The following GPR89A variants were observed in gnomAD, a reference collection of about 807,000 sequenced individuals.
GPR89A encodes the protein G protein-coupled receptor 89A.
GPR89A carries 16 observed loss-of-function variants against 52.0 expected under a neutral mutation model. The ratio of observed to expected loss-of-function variants is 0.31; its 90% confidence interval spans 0.21 to 0.47. The LOEUF (loss-of-function observed/expected upper bound fraction) is 0.47. Ranked by LOEUF, GPR89A falls within the 20% of genes least tolerant of loss-of-function variation. The pLI, the probability that GPR89A is intolerant of heterozygous loss-of-function variation, is 1.00. For synonymous variants in GPR89A, 55 were observed against 150.9 expected (o/e 0.36, Z 4.66); for missense variants, 135 against 449.4 (o/e 0.30, Z 6.33).
At chr1:145,636,181 G>A (rs1478625260) in intron 7 of GPR89A, among the ~76,000 whole-genome samples, 3 of 151,858 alleles carry the variant, frequency 2.0e-5, no homozygotes, top group Admixed American at 6.6e-5. Context: ...ACGTGACCCC[G>A]TTACCACAGT....
intron 5 of GPR89A, among the ~76,000 whole-genome samples, chr1:145,629,443 G>A (rs1462278550): frequency 6.6e-6 from 1 of 152,162 alleles, no homozygotes; most frequent in African/African-American, 2.4e-5. Flanking sequence ...AAGGACAAAG[G>A]TAGGAAAAAT....
intron 1 of GPR89A, among the ~76,000 whole-genome samples, chr1:145,609,413 C>T (rs113985754): frequency 6.6e-6 from 1 of 152,086 alleles, no homozygotes; most frequent in African/African-American, 2.4e-5. Flanking sequence ...AATTTACCAC[C>T]TTTTCTATAG....
At chr1:145,658,841 G>C (rs1424461825) in intron 10 of GPR89A, among the ~76,000 whole-genome samples, 1 of 151,774 alleles carries the variant, frequency 6.6e-6, no homozygotes, top group Non-Finnish European at 1.5e-5. Context: ...ACAGTGGGGT[G>C]ATCTCAGCTC....
intron 7 of GPR89A, among the ~76,000 whole-genome samples, chr1:145,635,129 A>C (rs1425196004): frequency 2.0e-5 from 3 of 152,242 alleles, no homozygotes; most frequent in Non-Finnish European, 4.4e-5. Context: ...CATAAAGGCC[A>C]GGAGCAGTGG....
chr1:145,619,469 G>A (rs1204749491), intron 3 of GPR89A, among the ~76,000 whole-genome samples: 51 of 151,974 alleles, frequency 3.4e-4, no homozygotes, highest in Non-Finnish European at 6.8e-4. Context: ...AAAATTAGCA[G>A]AGTGTGGTAG....
chr1:145,651,473 ACGGGCTCTTTTTTG>A (rs1422289230), intron 10 of GPR89A, among the ~76,000 whole-genome samples: 42 of 149,552 alleles, frequency 2.8e-4, no homozygotes, highest in Non-Finnish European at 5.7e-4. Flanking sequence ...CTTGACTTGT[ACGGGCTCTTTTTTG>A]CTTCCATATT....
At chr1:145,645,411 A>G (rs1650912807) in intron 8 of GPR89A, 1 of 358,736 alleles carries the variant, frequency 2.8e-6, no homozygotes, top group South Asian at 2.1e-5. Flanking sequence ...AAAGTTCATA[A>G]AAGCCAATAA....
At chr1:145,639,541 G>A (rs1553691339) in intron 7 of GPR89A, among the ~76,000 whole-genome samples, 1 of 151,378 alleles carries the variant, frequency 6.6e-6, no homozygotes, top group Non-Finnish European at 1.5e-5. Context: ...GAGGTCAGGA[G>A]TTTGAGACCA....
chr1:145,623,289 A>G, intron 4 of GPR89A, 129 bp downstream of exon 4: 1 of 576,464 alleles, frequency 1.7e-6, no homozygotes, highest in Non-Finnish European at 3.1e-6. Flanking sequence ...CTCACACACA[A>G]CATCTTAAAA....
At chr1:145,635,362 C>T (rs1314371682) in intron 7 of GPR89A, among the ~76,000 whole-genome samples, 7 of 151,616 alleles carry the variant, frequency 4.6e-5, no homozygotes, top group African/African-American at 1.7e-4. Flanking sequence ...GCCCAGATCG[C>T]GCCACTGCAC....
intron 10 of GPR89A, among the ~76,000 whole-genome samples, chr1:145,662,375 A>G (rs1382010615): frequency 1.3e-5 from 2 of 151,990 alleles, no homozygotes; most frequent in Non-Finnish European, 2.9e-5. Flanking sequence ...TTGCTATGAA[A>G]TCTACTTTGT....
At chr1:145,646,878 A>G in intron 9 of GPR89A, 1 of 364,912 alleles carries the variant, frequency 2.7e-6, no homozygotes, top group Non-Finnish European at 5.1e-6. Flanking sequence ...TGAGCAAGTT[A>G]TCGAACCTCT....
At chr1:145,645,236 G>T (rs1372738594) in intron 8 of GPR89A, 339 of 239,186 alleles carry the variant, frequency 1.4e-3, no homozygotes, top group African/African-American at 7.7e-3. Flanking sequence ...AAACCATATT[G>T]TTTGGTGGCT....
intron 3 of GPR89A, among the ~76,000 whole-genome samples, chr1:145,620,839 C>G (rs1165235874): frequency 1.3e-5 from 2 of 152,176 alleles, no homozygotes; most frequent in South Asian, 2.1e-4. Context: ...TCACTTTACT[C>G]TCAGCTCAAA....
intron 1 of GPR89A, among the ~76,000 whole-genome samples, chr1:145,610,166 T>C (rs1264207079): frequency 2.0e-5 from 3 of 151,986 alleles, no homozygotes; most frequent in African/African-American, 7.3e-5. Flanking sequence ...AGCACCTCTC[T>C]AGAGAGGTGT....
At chr1:145,608,336 C>T (rs1297648691) in intron 1 of GPR89A, 161 bp downstream of exon 1, 26 of 1,170,672 alleles carry the variant, frequency 2.2e-5, no homozygotes, top group Non-Finnish European at 2.9e-5. Flanking sequence ...TTGCTGCGGC[C>T]GGTTCCCTCA....
chr1:145,629,781 C>G (rs1553689568), intron 5 of GPR89A, among the ~76,000 whole-genome samples: 1 of 151,634 alleles, frequency 6.6e-6, no homozygotes, highest in African/African-American at 2.4e-5. Flanking sequence ...AGAGGTTGCA[C>G]TGACCTCTAA....
intron 8 of GPR89A, 110 bp from the exon 9 acceptor site, chr1:145,646,074 T>A: frequency 6.5e-7 from 1 of 1,541,536 alleles, no homozygotes; most frequent in Non-Finnish European, 9.0e-7. Flanking sequence ...AAATTGAGAA[T>A]ATAGGCAACT....
At position 145,670,438 on chromosome 1, in the gene GPR89A, G is replaced by C. The variant is rs1295783219; in HGVS notation, c.*398G>C. ...AAGGTTATAGCTTTGCCTTGAGATTGACTCATTAAAATCAGAGACTGTAAC... is the reference window on the plus strand; with the variant it reads ...AAGGTTATAGCTTTGCCTTGAGATTCACTCATTAAAATCAGAGACTGTAAC... On this transcript the variant is annotated 3_prime_UTR_variant, in exon 14 of 14. Transcript: ENST00000313835. The C allele has an allele frequency of 6.1e-6, 2 of 325,306 alleles. No homozygotes were observed. Among genetic ancestry groups the C allele is most frequent in the African/African-American group, 4.3e-5 (2 of 46,744 alleles). The allele number at this position is 325,306 out of a possible 1,614,324, so 20.2% of individuals were successfully genotyped here.
Sources: allele counts gnomAD v4.1 joint callset (sites outside exome capture counted in the v4.1 genomes callset), GRCh38; gene constraint gnomAD v4.1.1; transcripts MANE v1.5; gene names NCBI Gene and HGNC (gene_info 2026-07-23, HGNC 2026-07-21).